The following SLX9 variants were observed in gnomAD, a reference collection of about 807,000 sequenced individuals.
The protein encoded by SLX9 is SLX9 ribosome biogenesis factor.
A neutral mutation model predicts 20.8 loss-of-function variants in SLX9; 19 were observed. The ratio of observed to expected loss-of-function variants is 0.91; its 90% CI spans 0.64 to 1.34. The LOEUF is 1.34. Ranked by LOEUF, SLX9 falls within the 40% of genes most tolerant of loss-of-function variation. The pLI is 0.00. For synonymous variants in SLX9, 113 were observed against 137.1 expected, an observed-to-expected ratio of 0.82 and a Z score of 1.23; for missense variants, 299 against 322.2, an observed-to-expected ratio of 0.93 and a Z score of 0.55.
At chr21:44,975,191 C>T (rs2123471809) in intron 5 of SLX9, among the ~76,000 whole-genome samples, 1 of 152,280 alleles carries the variant, frequency 6.6e-6, no homozygotes, top group Non-Finnish European at 1.5e-5. Flanking sequence ...TCCCAAGATC[C>T]CAGTGGGAAG....
chr21:44,943,881 CTGG>C (rs1355616243), intron 2 of SLX9, 44 bp downstream of exon 2: 1 of 1,612,040 alleles, frequency 6.2e-7, no homozygotes, highest in African/African-American at 1.3e-5. Context: ...CCCAGCAGGT[CTGG>C]GATTGTTCCC....
At chr21:44,968,693 G>A (rs572897918) in intron 4 of SLX9, among the ~76,000 whole-genome samples, 37 of 152,068 alleles carry the variant, frequency 2.4e-4, no homozygotes, top group Admixed American at 1.9e-3. Context: ...GAAAGAGGCC[G>A]GACCACTCTG....
intron 4 of SLX9, among the ~76,000 whole-genome samples, chr21:44,968,521 C>G (rs1015789063): frequency 2.6e-5 from 4 of 152,302 alleles, no homozygotes; most frequent in African/African-American, 9.6e-5. Flanking sequence ...GCCCGTCTCC[C>G]AGGAGCTTGG....
intron 2 of SLX9, among the ~76,000 whole-genome samples, chr21:44,949,704 CAGGCGTGTTGGACTGGGTGACG>C (rs1227456523): frequency 1.3e-5 from 2 of 152,292 alleles, no homozygotes; most frequent in African/African-American, 4.8e-5. Flanking sequence ...TCTGCGTCTG[CAGGCGTGTTGGACTGGGTGACG>C]AGGCCACCAG....
rs776334314 is a variant in SLX9 at position 44,940,119 on chromosome 21, A to T, written c.62A>T (p.Glu21Val). The T allele has an allele frequency of 7.2e-7, 1 of 1,382,672 alleles. No homozygotes were observed. Among genetic ancestry groups the T allele is most frequent in the Admixed American group, 3.1e-5 (1 of 31,842 alleles). The allele number at this position is 1,382,672 out of a possible 1,614,324, so 85.7% of individuals were successfully genotyped here. A position where few individuals can be genotyped will look rare whatever the true frequency, so the allele number is the denominator to read the frequency against. The change falls in exon 1 of 6, where the codon GAG (glutamate) becomes GTG (valine). Residue 21 changes from glutamate to valine, a missense_variant. By Grantham distance (121) the Glu-to-Val change is moderately radical. Coordinates refer to ENST00000291634, the MANE Select transcript of SLX9 (RefSeq NM_058190.4). ...VHQAAVRPKG[E>V]AAPGPAPPAP... is the part of the protein sequence containing the mutation. ...CAGGCTGCCGTGAGGCCGAAAGGGG[A>T]GGCCGCCCCCGGCCCCGCGCCCCCT...
intron 2 of SLX9, among the ~76,000 whole-genome samples, chr21:44,953,716 G>A (rs747189678): frequency 1.3e-5 from 2 of 152,192 alleles, no homozygotes; most frequent in Non-Finnish European, 1.5e-5. Context: ...CTCTGGCCCC[G>A]CAGCCTGGGT....
intron 2 of SLX9, among the ~76,000 whole-genome samples, chr21:44,952,956 C>T (rs1354309571): frequency 1.3e-5 from 2 of 152,150 alleles, no homozygotes; most frequent in East Asian, 3.9e-4. Context: ...TAGGGGTGAG[C>T]AGGGAAGGGC....
chr21:44,971,366 C>G (rs1266848207), intron 4 of SLX9, among the ~76,000 whole-genome samples: 1 of 101,518 alleles, frequency 9.9e-6, no homozygotes, highest in Non-Finnish European at 1.9e-5. Context: ...TCCCCGGGGC[C>G]CTGAACTCCG....
At chr21:44,971,432 G>A (rs924699960) in intron 4 of SLX9, among the ~76,000 whole-genome samples, 8 of 152,124 alleles carry the variant, frequency 5.3e-5, no homozygotes, top group South Asian at 2.1e-4. Context: ...TGTGGGACGC[G>A]TGGGTGGGGG....
At chr21:44,957,786 C>T (rs1809574737) in intron 2 of SLX9, among the ~76,000 whole-genome samples, 1 of 152,240 alleles carries the variant, frequency 6.6e-6, no homozygotes, top group African/African-American at 2.4e-5. Context: ...CTAGCCTTGC[C>T]TCAGCCACTG....
chr21:44,943,747 CAGA>C lies in SLX9; in HGVS notation c.196_198del (p.Lys66del). 6.2e-7 allele frequency: 1 copy of C among 1,614,228 alleles called. No homozygotes were observed. The highest frequency in any genetic ancestry group is 8.5e-7 in the Non-Finnish European group (1 of 1,180,032). On this transcript the variant is annotated inframe_deletion, in exon 2 of 6. Transcript: ENST00000291634. The stretch of plus-strand genomic sequence containing the variant: ...CAAGATAGACCCCAGCGCCTTGGTG[CAGA>C]AGCTGGAGCTGGACGTGAGGAGTGT...
chr21:44,964,143 GT>G (rs748477461), intron 3 of SLX9, among the ~76,000 whole-genome samples: 1 of 152,156 alleles, frequency 6.6e-6, no homozygotes, highest in African/African-American at 2.4e-5. Flanking sequence ...GTATTTTATA[GT>G]TTTTTATGCT....
chr21:44,941,850 G>A (rs746767469), intron 1 of SLX9, among the ~76,000 whole-genome samples: 3 of 152,178 alleles, frequency 2.0e-5, no homozygotes, highest in Non-Finnish European at 2.9e-5. Context: ...CTCCTTCCTG[G>A]TCAGCAACAC....
chr21:44,950,944 C>T (rs541932980), intron 2 of SLX9, among the ~76,000 whole-genome samples: 15 of 152,250 alleles, frequency 9.9e-5, no homozygotes, highest in African/African-American at 3.4e-4. Flanking sequence ...GTGGGCTGCA[C>T]CTGTGCCTGA....
chr21:44,968,624 GTGCTGAGGCTC>G (rs2085083866), intron 4 of SLX9, among the ~76,000 whole-genome samples: 1 of 152,234 alleles, frequency 6.6e-6, no homozygotes, highest in Non-Finnish European at 1.5e-5. Context: ...CCAGGTGTGG[GTGCTGAGGCTC>G]TGGGCTCAGG....
At chr21:44,944,170 G>A (rs2084600984) in intron 2 of SLX9, among the ~76,000 whole-genome samples, 1 of 152,202 alleles carries the variant, frequency 6.6e-6, no homozygotes, top group African/African-American at 2.4e-5. Context: ...CTGTATGTTT[G>A]GGGCAGTTTT....
intron 2 of SLX9, among the ~76,000 whole-genome samples, chr21:44,945,577 C>G (rs2084627474): frequency 6.6e-6 from 1 of 152,284 alleles, no homozygotes; most frequent in South Asian, 2.1e-4. Context: ...CGCTCACGAC[C>G]CGTCTTGCCT....
chr21:44,959,506 C>G (rs1048442147), intron 2 of SLX9, among the ~76,000 whole-genome samples: 4 of 152,196 alleles, frequency 2.6e-5, no homozygotes, highest in Admixed American at 2.6e-4. Context: ...CCCCGCCCAC[C>G]GGGCAGGTGG....
At chr21:44,956,165 C>G (rs1288764608) in intron 2 of SLX9, among the ~76,000 whole-genome samples, 1 of 152,212 alleles carries the variant, frequency 6.6e-6, no homozygotes, top group Non-Finnish European at 1.5e-5. Context: ...AGGAAGCAAT[C>G]TCTTGTTAAC....
Sources: gnomAD v4.1 joint callset for allele counts (sites outside exome capture counted in the v4.1 genomes callset) on GRCh38, gnomAD v4.1.1 for gene constraint, MANE v1.5 for transcripts, NCBI Gene and HGNC (gene_info 2026-07-23, HGNC 2026-07-21) for gene names.